MTDH: variants seen among roughly 807,000 people sequenced by gnomAD.
The protein encoded by MTDH is metadherin.
MTDH carries 34 observed loss-of-function variants against 72.7 expected under a neutral mutation model. That is an observed-to-expected ratio of 0.47 (90% CI 0.36 to 0.62). MTDH has a LOEUF of 0.62. MTDH is among the 20% of genes least tolerant of loss of function. MTDH has a pLI of 0.00. For synonymous variants in MTDH, 266 were observed against 268.9 expected, an observed-to-expected ratio of 0.99 and a Z score of 0.10; for missense variants, 677 against 699.4, an observed-to-expected ratio of 0.97 and a Z score of 0.36.
At chr8:97,645,562 A>G (rs1811534661) in intron 1 of MTDH, among the ~76,000 whole-genome samples, 1 of 152,326 alleles carries the variant, frequency 6.6e-6, no homozygotes, top group South Asian at 2.1e-4. Context: ...GGCGAGTTCA[A>G]CGAACGAGTC....
intron 2 of MTDH, among the ~76,000 whole-genome samples, chr8:97,663,195 G>C (rs1586213585): frequency 6.6e-6 from 1 of 152,066 alleles, no homozygotes. Flanking sequence ...TGTAGTTGCA[G>C]TAATTGAGGA....
At chr8:97,665,391 G>A (rs1046057668) in intron 2 of MTDH, among the ~76,000 whole-genome samples, 2 of 152,152 alleles carry the variant, frequency 1.3e-5, no homozygotes, top group Non-Finnish European at 2.9e-5. Flanking sequence ...CACATAGGAC[G>A]ATTAGCCAGA....
chr8:97,712,515 T>C (rs1814679810), intron 8 of MTDH, among the ~76,000 whole-genome samples: 1 of 152,216 alleles, frequency 6.6e-6, no homozygotes, highest in Admixed American at 6.6e-5. Context: ...CTTTCCAGTT[T>C]GGGACTATTA....
intron 2 of MTDH, among the ~76,000 whole-genome samples, chr8:97,677,180 CAAAAAAAAAA>C (rs71271142): frequency 9.1e-5 from 4 of 44,134 alleles, no homozygotes; most frequent in South Asian, 7.2e-4. Context: ...AAGCCTGTCT[CAAAAAAAAAA>C]AAAAAAAAAA....
At chr8:97,650,989 A>G (rs1187837088) in intron 1 of MTDH, among the ~76,000 whole-genome samples, 1 of 152,234 alleles carries the variant, frequency 6.6e-6, no homozygotes, top group Non-Finnish European at 1.5e-5. Context: ...CCCATTATCC[A>G]TATTAGGAGC....
chr8:97,724,632 C>G lies in MTDH; in HGVS notation c.1711C>G (p.Gln571Glu). Residue 571 changes from glutamine (Q) to glutamate (E), a missense_variant, in exon 12 of 12, where the codon CAA (glutamine) becomes GAA (glutamate). By Grantham distance (29) the Gln-to-Glu change is conservative. Coordinates refer to ENST00000336273, the MANE Select transcript of MTDH (RefSeq NM_178812.4). ...TGAAACTAGCTGGGAATCTCCCAAACAAATAAAAAAGAAGAAAAAAGCCAG... is the reference window on the plus strand; with the variant it reads ...TGAAACTAGCTGGGAATCTCCCAAAGAAATAAAAAAGAAGAAAAAAGCCAG... ...KSETSWESPK[Q>E]IKKKKKARRE... The G allele has an allele frequency of 6.3e-7, 1 of 1,592,184 alleles. No individual in the cohort carries two copies. Among genetic ancestry groups the G allele is most frequent in the Non-Finnish European group, 8.5e-7 (1 of 1,174,918 alleles).
intron 6 of MTDH, among the ~76,000 whole-genome samples, chr8:97,697,381 GTTTT>G (rs755015450): frequency 1.6e-4 from 13 of 80,176 alleles, no homozygotes; most frequent in Non-Finnish European, 2.4e-4. Flanking sequence ...TATTATTTCG[GTTTT>G]TTTTTTTTTT....
At chr8:97,720,742 C>T (rs1157376283) in intron 10 of MTDH, among the ~76,000 whole-genome samples, 1 of 151,118 alleles carries the variant, frequency 6.6e-6, no homozygotes, top group East Asian at 2.0e-4. Flanking sequence ...CAACCTCTAC[C>T]TCCTGGGTTC....
rs571121119 is a variant in MTDH at position 97,724,024 on chromosome 8, G to A, written c.1679-576G>A. Among the ~76,000 whole-genome samples the A allele has an allele frequency of 5.9e-5, 9 of 152,254 alleles. No individual in the cohort carries two copies. The South Asian group carries it at 6.2e-4, about 11-fold the overall frequency. On this transcript the variant is annotated intron_variant, in intron 11 of 11. Transcript: ENST00000336273. Reference sequence around the variant, plus strand: ...CTCGGGAGGCTGAGGCAGGAGAATCGCTTGAACGCGGGAGGCGGAGGTTGT... The same window carrying A: ...CTCGGGAGGCTGAGGCAGGAGAATCACTTGAACGCGGGAGGCGGAGGTTGT...
At chr8:97,713,593 A>T in intron 8 of MTDH, 69 bp from the exon 9 acceptor site, 1 of 859,002 alleles carries the variant, frequency 1.2e-6, no homozygotes, top group Non-Finnish European at 1.8e-6. Flanking sequence ...AAATTATTTC[A>T]TAATAATTTT....
intron 2 of MTDH, among the ~76,000 whole-genome samples, chr8:97,680,148 C>CT (rs1258449798): frequency 6.6e-6 from 1 of 152,166 alleles, no homozygotes; most frequent in Non-Finnish European, 1.5e-5. Flanking sequence ...TCTTGGCTCA[C>CT]TGCAACCTCG....
At chr8:97,653,741 A>G (rs1811861281) in intron 1 of MTDH, among the ~76,000 whole-genome samples, 1 of 152,208 alleles carries the variant, frequency 6.6e-6, no homozygotes, top group African/African-American at 2.4e-5. Context: ...CAGAGATATA[A>G]GTGAGGAATT....
chr8:97,715,448 A>T, intron 9 of MTDH, among the ~76,000 whole-genome samples: 1 of 152,200 alleles, frequency 6.6e-6, no homozygotes, highest in East Asian at 1.9e-4. Flanking sequence ...TTTTGAAAGA[A>T]GTTTCTACAT....
At chr8:97,697,381 G>GTTTTTTT (rs755015450) in intron 6 of MTDH, among the ~76,000 whole-genome samples, 4 of 80,176 alleles carry the variant, frequency 5.0e-5, no homozygotes, top group Non-Finnish European at 6.6e-5. Flanking sequence ...TATTATTTCG[G>GTTTTTTT]TTTTTTTTTT....
intron 1 of MTDH, among the ~76,000 whole-genome samples, chr8:97,656,868 CAT>C (rs1001212219): frequency 3.3e-5 from 5 of 151,654 alleles, no homozygotes; most frequent in African/African-American, 1.2e-4. Context: ...GGCATGATGA[CAT>C]GTGTCTAATG....
intron 6 of MTDH, among the ~76,000 whole-genome samples, chr8:97,693,400 C>T (rs186366915): frequency 3.9e-5 from 6 of 151,982 alleles, no homozygotes; most frequent in Admixed American, 2.6e-4. Context: ...GCAGTGCAAT[C>T]TCAGCTCACT....
intron 8 of MTDH, among the ~76,000 whole-genome samples, chr8:97,711,787 T>C (rs1440178283): frequency 2.0e-5 from 3 of 152,222 alleles, no homozygotes; most frequent in Non-Finnish European, 4.4e-5. Context: ...ATAAAAGTTA[T>C]AAAATTTACT....
intron 2 of MTDH, among the ~76,000 whole-genome samples, chr8:97,668,830 C>A (rs760003848): frequency 6.6e-6 from 1 of 152,156 alleles, no homozygotes; most frequent in Admixed American, 6.6e-5. Flanking sequence ...GCTGGGATTA[C>A]AGGCATGAGC....
intron 2 of MTDH, among the ~76,000 whole-genome samples, chr8:97,677,670 T>A (rs2130974747): frequency 6.6e-6 from 1 of 152,284 alleles, no homozygotes; most frequent in Non-Finnish European, 1.5e-5. Flanking sequence ...ATGTTTATAC[T>A]TTTGGTATTT....
Sources: allele counts gnomAD v4.1 joint callset (sites outside exome capture counted in the v4.1 genomes callset), GRCh38; gene constraint gnomAD v4.1.1; transcripts MANE v1.5; gene names NCBI Gene and HGNC (gene_info 2026-07-23, HGNC 2026-07-21).